The following ATRX variants were observed in gnomAD, a reference collection of about 807,000 sequenced individuals.
The protein encoded by ATRX is chromatin remodeler ATRX.
ATRX carries 12 observed loss-of-function variants against 172.6 expected under a neutral mutation model. The observed-to-expected ratio is 0.07, with a 90% CI of 0.04 to 0.11. The LOEUF (loss-of-function observed/expected upper bound fraction) is 0.11, where lower values mean the gene tolerates loss of function less well. Among genes scored for constraint, ATRX ranks in the 10% least tolerant of loss-of-function variants. The probability of loss-of-function intolerance (pLI) is 1.00; values close to 1 mark genes in which losing one functional copy is unlikely to be tolerated. For missense variants in ATRX, 1,368 were observed against 1,767.4 expected, an observed-to-expected ratio of 0.77 and a Z score of 4.05; for synonymous variants, 674 against 594.7, an observed-to-expected ratio of 1.13 and a Z score of -1.94.
chrX:77,681,449 G>T (rs1384321735), intron 9 of ATRX, 71 bp downstream of exon 9: 8 of 1,035,197 alleles, frequency 7.7e-6, no homozygotes, highest in Non-Finnish European at 1.1e-5. Context: ...TAGCTTCAGA[G>T]GAAATTAAAC....
intron 30 of ATRX, among the ~76,000 whole-genome samples, chrX:77,527,631 C>T (rs1650418124): frequency 9.0e-6 from 1 of 111,586 alleles, no homozygotes; most frequent in African/African-American, 3.3e-5. Flanking sequence ...CCCGCCAAGG[C>T]ATAAAATCCA....
At chrX:77,724,864 G>A (rs184332127) in intron 1 of ATRX, among the ~76,000 whole-genome samples, 65 of 111,693 alleles carry the variant, frequency 5.8e-4, no homozygotes, top group African/African-American at 2.1e-3. Context: ...TCATAGAGAT[G>A]ATCCCTGGAA....
intron 34 of ATRX, among the ~76,000 whole-genome samples, chrX:77,516,464 A>T (rs1557039164): frequency 8.9e-6 from 1 of 112,210 alleles, no homozygotes. Flanking sequence ...ACAGATTTCA[A>T]GACAAAAAAT....
intron 25 of ATRX, chrX:77,596,998 AT>A (rs1230831670): frequency 2.5e-4 from 28 of 111,216 alleles, no homozygotes; most frequent in African/African-American, 7.8e-4. Context: ...AACTTTATAT[AT>A]TTTTAATTAT....
At chrX:77,779,807 A>C in intron 1 of ATRX, among the ~76,000 whole-genome samples, 1 of 112,261 alleles carries the variant, frequency 8.9e-6, no homozygotes, top group African/African-American at 3.2e-5. Flanking sequence ...CCAGAACAAT[A>C]ATTTCTTAAC....
chrX:77,669,336 C>A (rs1284976064), intron 10 of ATRX, among the ~76,000 whole-genome samples: 1 of 106,666 alleles, frequency 9.4e-6, no homozygotes, highest in Admixed American at 1.0e-4. Flanking sequence ...CAGACAAAGT[C>A]TTGTTCTGTC....
At chrX:77,770,414 C>T (rs946143697) in intron 1 of ATRX, among the ~76,000 whole-genome samples, 24 of 110,840 alleles carry the variant, frequency 2.2e-4, no homozygotes, top group African/African-American at 7.9e-4. Flanking sequence ...AAATGATAAA[C>T]TTTACATAGA....
At position 77,681,983 on chromosome X, in the gene ATRX, C is replaced by T. The variant is rs2148577440; in HGVS notation, c.3273G>A (p.Lys1091=). 1.7e-6 allele frequency: 2 copies of T among 1,210,357 alleles called. No individual in the cohort carries two copies. Among genetic ancestry groups the T allele is most frequent in the Non-Finnish European group, 2.2e-6 (2 of 894,602 alleles). The change falls in exon 9 of 35, where the codon AAG becomes AAA. Residue 1091 remains lysine (K), a synonymous_variant. Transcript: ENST00000373344. ...TCTTTCCAAGCAACTTGCACCTTTT[C>T]TTCTCTCTACCATATGCTCCATTCT... ...KSKNGAYGRE[K]KRCKLLGKSS...
At chrX:77,547,067 T>C (rs1207065200) in intron 30 of ATRX, among the ~76,000 whole-genome samples, 3 of 110,707 alleles carry the variant, frequency 2.7e-5, no homozygotes, top group African/African-American at 9.8e-5. Context: ...ATAGATATTT[T>C]AATTTGCCTA....
intron 1 of ATRX, among the ~76,000 whole-genome samples, chrX:77,740,679 G>A (rs2074823328): frequency 9.1e-6 from 1 of 110,145 alleles, no homozygotes. Context: ...TTAATCATGA[G>A]ATTACAAAAC....
At chrX:77,742,001 A>G (rs1201849777) in intron 1 of ATRX, among the ~76,000 whole-genome samples, 2 of 111,419 alleles carry the variant, frequency 1.8e-5, no homozygotes, top group Non-Finnish European at 3.8e-5. Context: ...TAATTGTTCC[A>G]TGTACATATA....
At chrX:77,740,542 C>A (rs1022328216) in intron 1 of ATRX, among the ~76,000 whole-genome samples, 1 of 110,475 alleles carries the variant, frequency 9.1e-6, no homozygotes, top group Non-Finnish European at 1.9e-5. Context: ...AGAGGAAAGA[C>A]AATTAGAAAA....
intron 10 of ATRX, among the ~76,000 whole-genome samples, 194 bp from the exon 11 acceptor site, chrX:77,664,972 A>T (rs1667806129): frequency 8.9e-6 from 1 of 112,483 alleles, no homozygotes; most frequent in Non-Finnish European, 1.9e-5. Context: ...TGTTCTTTAC[A>T]CTTATTATTT....
intron 28 of ATRX, among the ~76,000 whole-genome samples, chrX:77,561,090 G>C (rs1557061741): frequency 9.0e-6 from 1 of 110,846 alleles, no homozygotes; most frequent in East Asian, 2.8e-4. Flanking sequence ...GTGGGATTAT[G>C]ATGACAAGTT....
intron 1 of ATRX, among the ~76,000 whole-genome samples, chrX:77,766,264 G>A (rs1399694061): frequency 3.6e-5 from 4 of 112,029 alleles, no homozygotes; most frequent in Admixed American, 1.9e-4. Flanking sequence ...CAGCAGGGGC[G>A]GCCGGGCAGA....
At chrX:77,521,058 A>G in intron 33 of ATRX, 142 bp from the exon 34 acceptor site, 1 of 612,285 alleles carries the variant, frequency 1.6e-6, no homozygotes, top group Non-Finnish European at 2.5e-6. Flanking sequence ...CATGATGCAA[A>G]ACAGGGTACT....
chrX:77,744,838 C>T (rs2075001242), intron 1 of ATRX, among the ~76,000 whole-genome samples: 1 of 109,980 alleles, frequency 9.1e-6, no homozygotes, highest in Admixed American at 9.7e-5. Flanking sequence ...CAATTAAAAA[C>T]TAGCTGGGTT....
At position 77,522,315 on chromosome X, in the gene ATRX, T is replaced by A. The variant is rs1557041820; in HGVS notation, c.6923A>T (p.Tyr2308Phe). ...PPVSFNSQTPYIPFNLGALSA... is the reference protein window; with the variant it reads ...PPVSFNSQTPFIPFNLGALSA... ...CAGGGCTCCCAAATTGAAAGGAATA[T>A]AAGGAGTTTGAGAGTTGAAACTGAC... is the stretch of plus-strand genomic sequence containing the variant. The change falls in exon 32 of 35, where the codon TAT becomes TTT. Residue 2308 changes from tyrosine to phenylalanine, a missense_variant. Transcript: ENST00000373344. The A allele has an allele frequency of 8.3e-7, 1 of 1,208,666 alleles. No homozygotes were observed. Among genetic ancestry groups the A allele is most frequent in the Non-Finnish European group, 1.1e-6 (1 of 894,258 alleles).
chrX:77,525,304 G>A (rs1444641300), intron 30 of ATRX, among the ~76,000 whole-genome samples: 3 of 111,953 alleles, frequency 2.7e-5, no homozygotes, highest in Non-Finnish European at 5.6e-5. Context: ...AGGCAGGCAG[G>A]AAGACAGGCC....
Sources: allele counts gnomAD v4.1 joint callset (sites outside exome capture counted in the v4.1 genomes callset), GRCh38; gene constraint gnomAD v4.1.1; transcripts MANE v1.5; gene names NCBI Gene and HGNC (gene_info 2026-07-23, HGNC 2026-07-21).